The following CDH23 variants were observed in gnomAD, a reference collection of about 807,000 sequenced individuals.
CDH23 encodes cadherin-23.
A neutral mutation model predicts 317.1 loss-of-function variants in CDH23; 189 were observed. The ratio of observed to expected loss-of-function variants is 0.60; its 90% CI spans 0.53 to 0.67. The LOEUF (loss-of-function observed/expected upper bound fraction) is 0.67. Among genes scored for constraint, CDH23 ranks in the 30% least tolerant of loss-of-function variants. The pLI is 0.00. For missense variants in CDH23, 4,401 were observed against 4,592.4 expected (o/e 0.96, Z 1.20); for synonymous variants, 1,839 against 1,876.8 (o/e 0.98, Z 0.52).
intron 3 of CDH23, among the ~76,000 whole-genome samples, chr10:71,477,925 G>A (rs1851877013): frequency 6.6e-6 from 1 of 152,110 alleles, no homozygotes; most frequent in African/African-American, 2.4e-5. Flanking sequence ...ACGTGCCCGG[G>A]CCAGACATCA....
At chr10:71,630,597 C>T (rs924694847) in intron 11 of CDH23, among the ~76,000 whole-genome samples, 2 of 152,160 alleles carry the variant, frequency 1.3e-5, no homozygotes, top group African/African-American at 2.4e-5. Flanking sequence ...GTAAAGCAGT[C>T]GATTCAGTGA....
chr10:71,578,267 T>A (rs1460367512), intron 9 of CDH23, among the ~76,000 whole-genome samples: 1 of 152,182 alleles, frequency 6.6e-6, no homozygotes, highest in African/African-American at 2.4e-5. Context: ...CGTGTGCCGC[T>A]GTCCAAGGTC....
chr10:71,471,213 C>T (rs749486744), intron 3 of CDH23, among the ~76,000 whole-genome samples: 10 of 152,242 alleles, frequency 6.6e-5, no homozygotes, highest in South Asian at 2.1e-4. Context: ...GCCATCTGCG[C>T]GCAGCCCGGC....
At chr10:71,515,898 A>G (rs187074808) in intron 6 of CDH23, among the ~76,000 whole-genome samples, 2 of 152,342 alleles carry the variant, frequency 1.3e-5, no homozygotes, top group East Asian at 1.9e-4. Context: ...ATTAAATGCC[A>G]TGGTAGCTTT....
chr10:71,694,707 C>T (rs576590500), intron 21 of CDH23, among the ~76,000 whole-genome samples: 4 of 152,038 alleles, frequency 2.6e-5, no homozygotes, highest in Admixed American at 1.3e-4. Flanking sequence ...GCTAGAGGAA[C>T]GAAACGTGGG....
intron 28 of CDH23, chr10:71,715,955 A>G: frequency 1.4e-6 from 2 of 1,475,964 alleles, no homozygotes; most frequent in Non-Finnish European, 1.8e-6. Flanking sequence ...GGTAGATTCC[A>G]TGTAGTCACA....
intron 1 of CDH23, among the ~76,000 whole-genome samples, chr10:71,437,071 G>A (rs1262894999): frequency 6.6e-6 from 1 of 152,196 alleles, no homozygotes; most frequent in African/African-American, 2.4e-5. Flanking sequence ...AATTAAAGCT[G>A]CAATGCTATA....
chr10:71,802,924 T>C lies in CDH23; in HGVS notation c.7509T>C (p.Asn2503=). 1 of 1,614,022 alleles carries C rather than the reference T, an allele frequency of 6.2e-7. No homozygotes were observed. Among genetic ancestry groups the C allele is most frequent in the South Asian group, 1.1e-5 (1 of 91,086 alleles). ...VQVVIQVLDV[N]DCRPQFSKPQ... ...TGGTGATCCAAGTGCTGGATGTCAA[T>C]GACTGCCGGCCACAGTTCTCCAAGC... Residue 2503 remains asparagine, a synonymous_variant, in exon 54 of 70, where the codon AAT becomes AAC. Coordinates refer to ENST00000224721, the MANE Select transcript of CDH23 (RefSeq NM_022124.6).
chr10:71,432,453 G>T (rs1849435686), intron 1 of CDH23, among the ~76,000 whole-genome samples: 1 of 150,888 alleles, frequency 6.6e-6, no homozygotes, highest in South Asian at 2.1e-4. Flanking sequence ...GCGTGTGTGT[G>T]AGAGCATGTG....
At chr10:71,637,015 C>G (rs1467042051) in intron 11 of CDH23, among the ~76,000 whole-genome samples, 1 of 152,208 alleles carries the variant, frequency 6.6e-6, no homozygotes, top group South Asian at 2.1e-4. Flanking sequence ...ACTTAGCACC[C>G]CCCTTAATGT....
chr10:71,680,249 C>T (rs568854275), intron 17 of CDH23, among the ~76,000 whole-genome samples: 140 of 152,364 alleles, frequency 9.2e-4, no homozygotes, highest in Admixed American at 2.2e-3. Context: ...GTCCTGCCTC[C>T]CTTTGGCTGT....
At chr10:71,534,821 C>T (rs1855606534) in intron 6 of CDH23, among the ~76,000 whole-genome samples, 1 of 150,944 alleles carries the variant, frequency 6.6e-6, no homozygotes, top group South Asian at 2.1e-4. Flanking sequence ...TTGCTCCAAA[C>T]CAAGAAGCAA....
intron 1 of CDH23, among the ~76,000 whole-genome samples, chr10:71,424,136 C>T (rs956841547): frequency 6.6e-6 from 1 of 152,224 alleles, no homozygotes; most frequent in African/African-American, 2.4e-5. Flanking sequence ...CACTATATCC[C>T]GCCACGTAGG....
intron 51 of CDH23, 66 bp downstream of exon 51, chr10:71,799,346 T>C (rs1163345163): frequency 1.2e-6 from 2 of 1,609,774 alleles, no homozygotes; most frequent in Non-Finnish European, 1.7e-6. Context: ...TTGGGCATCT[T>C]CCTCTCCCAC....
intron 38 of CDH23, 146 bp from the exon 39 acceptor site, chr10:71,777,534 A>G (rs920217559): frequency 1.2e-5 from 8 of 693,054 alleles, no homozygotes; most frequent in Admixed American, 2.5e-5. Flanking sequence ...TCTCTCTACC[A>G]GCCTGTGACC....
intron 14 of CDH23, among the ~76,000 whole-genome samples, chr10:71,658,296 G>T (rs1863502450): frequency 6.6e-6 from 1 of 150,988 alleles, no homozygotes; most frequent in South Asian, 2.1e-4. Flanking sequence ...GAGAGATGGA[G>T]AGAGAGAGAG....
chr10:71,474,401 G>T (rs1851680374), intron 3 of CDH23, among the ~76,000 whole-genome samples: 1 of 152,200 alleles, frequency 6.6e-6, no homozygotes. Context: ...CCTTCAGGAA[G>T]CCTTCAGAGA....
In CDH23 at chr10:71,687,678, AGCCC is replaced by A; in HGVS notation, c.2022_2025del (p.Ala675ThrfsTer18). On this transcript the variant is annotated frameshift_variant, in exon 19 of 70. Coordinates refer to ENST00000224721, the MANE Select transcript of CDH23 (RefSeq NM_022124.6). LOFTEE classifies it high-confidence loss of function. ...AATGACAACCCTCCCACCTTCAGCA[AGCCC>A]GCCTACTTCGTCTCCGTGGTGGAGA... The A allele has an allele frequency of 1.2e-6, 2 of 1,613,818 alleles. No individual in the cohort carries two copies. The highest frequency in any genetic ancestry group is 1.7e-6 in the Non-Finnish European group (2 of 1,179,848).
intron 6 of CDH23, among the ~76,000 whole-genome samples, chr10:71,562,728 G>A (rs1428724614): frequency 6.6e-6 from 1 of 152,248 alleles, no homozygotes; most frequent in African/African-American, 2.4e-5. Context: ...AGCGGGGCCT[G>A]GGACAGCCAG....
Sources: gnomAD v4.1 joint callset for allele counts (sites outside exome capture counted in the v4.1 genomes callset) on GRCh38, gnomAD v4.1.1 for gene constraint, MANE v1.5 for transcripts, NCBI Gene and HGNC (gene_info 2026-07-23, HGNC 2026-07-21) for gene names.